ZNRF3: variants seen among roughly 807,000 people sequenced by gnomAD.
ZNRF3 encodes the protein zinc and ring finger 3, also known as E3 ubiquitin-protein ligase ZNRF3.
Under a neutral mutation model 72.5 loss-of-function variants are expected in ZNRF3, and 23 were observed. That is an observed-to-expected ratio of 0.32 (90% CI 0.23 to 0.45). ZNRF3 has a LOEUF of 0.45. Among genes scored for constraint, ZNRF3 ranks in the 20% least tolerant of loss-of-function variants. ZNRF3 has a pLI of 1.00. For synonymous variants in ZNRF3, 610 were observed against 545.3 expected (o/e 1.12, Z -1.65); for missense variants, 1,169 against 1,272.1 (o/e 0.92, Z 1.23).
At chr22:29,052,839 T>A (rs76992971) in intron 8 of ZNRF3, among the ~76,000 whole-genome samples, 1 of 151,960 alleles carries the variant, frequency 6.6e-6, no homozygotes, top group Non-Finnish European at 1.5e-5. Context: ...AATTTTTTTT[T>A]AATTAGCTGG....
chr22:28,946,943 G>C (rs951347733), intron 1 of ZNRF3, among the ~76,000 whole-genome samples: 18 of 152,212 alleles, frequency 1.2e-4, no homozygotes, highest in Admixed American at 6.5e-4. Flanking sequence ...TGGGAAACCT[G>C]TAAGAATGGG....
intron 1 of ZNRF3, among the ~76,000 whole-genome samples, chr22:28,890,167 G>A (rs1184742996): frequency 6.6e-6 from 1 of 152,164 alleles, no homozygotes; most frequent in African/African-American, 2.4e-5. Context: ...CTCTCTCTCT[G>A]GTTCCCATAG....
chr22:28,984,658 G>A (rs1209195336), intron 1 of ZNRF3, among the ~76,000 whole-genome samples: 3 of 152,210 alleles, frequency 2.0e-5, no homozygotes, highest in South Asian at 4.1e-4. Flanking sequence ...GAGCTGTGCT[G>A]GAGTGAGCCG....
rs185224147 is a variant in ZNRF3 at position 29,033,868 on chromosome 22, C to T, written c.427-8627C>T. Among the ~76,000 whole-genome samples, 62 of 152,230 alleles carry T rather than the reference C, an allele frequency of 4.1e-4. 1 individual carries two copies. The highest frequency in any genetic ancestry group is 1.5e-3 in the South Asian group (7 of 4,816). ...AAGACCCCTTGCACCTACATCCACC[C>T]GAGCAAGAAATGACCCAGAAATGTC... On this transcript the variant is annotated intron_variant, in intron 2 of 8. Coordinates refer to ENST00000544604, the MANE Select transcript of ZNRF3 (RefSeq NM_001206998.2).
At chr22:28,949,770 C>A (rs1569257693) in intron 1 of ZNRF3, among the ~76,000 whole-genome samples, 1 of 152,188 alleles carries the variant, frequency 6.6e-6, no homozygotes, top group Non-Finnish European at 1.5e-5. Context: ...AAAATGCCTG[C>A]CCTGCACTCA....
chr22:28,995,796 G>A (rs2036036939), intron 2 of ZNRF3, among the ~76,000 whole-genome samples: 1 of 148,470 alleles, frequency 6.7e-6, no homozygotes, highest in African/African-American at 2.5e-5. Context: ...TTTTTTCCAA[G>A]ACAGGATCTC....
chr22:28,995,836 C>T (rs889579079), intron 2 of ZNRF3, among the ~76,000 whole-genome samples: 7 of 151,608 alleles, frequency 4.6e-5, no homozygotes, highest in South Asian at 2.1e-4. Context: ...AGTGCAGTGA[C>T]ACTATCTTGG....
chr22:29,010,190 T>G (rs145410012), intron 2 of ZNRF3, among the ~76,000 whole-genome samples: 1 of 151,984 alleles, frequency 6.6e-6, no homozygotes, highest in Admixed American at 6.6e-5. Context: ...ATTACAGACA[T>G]GAGCCACCGC....
chr22:28,951,841 G>T (rs1327934861), intron 1 of ZNRF3, among the ~76,000 whole-genome samples: 1 of 152,206 alleles, frequency 6.6e-6, no homozygotes, highest in Admixed American at 6.5e-5. Flanking sequence ...GTTGAGGACT[G>T]TGTTTTCTGG....
intron 1 of ZNRF3, among the ~76,000 whole-genome samples, chr22:28,930,726 T>G (rs553574160): frequency 1.3e-5 from 2 of 152,366 alleles, no homozygotes; most frequent in East Asian, 3.9e-4. Flanking sequence ...AGATGTGCAC[T>G]TCTGAGAATG....
Position 29,048,618 on chromosome 22 carries a change from C to T in ZNRF3, c.1015+127C>T. 1 of 916,830 alleles carries T rather than the reference C, an allele frequency of 1.1e-6. No homozygotes were observed. Among genetic ancestry groups the T allele is most frequent in the Non-Finnish European group, 1.7e-6 (1 of 590,310 alleles). The allele number at this position is 916,830 out of a possible 1,614,324, so 56.8% of individuals were successfully genotyped here. ...CCCTCTGGACTTGGAGGCCTGGCAG[C>T]CCTGGGTTTTGGAGGTTGTCTGCAC... On this transcript the variant is annotated intron_variant, in intron 7 of 8. Coordinates refer to ENST00000544604, the MANE Select transcript of ZNRF3 (RefSeq NM_001206998.2). The surrounding 1 kb of genome is among the most constrained non-coding windows in gnomAD (Gnocchi z 4.9).
At chr22:28,996,126 G>T (rs370331304) in intron 2 of ZNRF3, among the ~76,000 whole-genome samples, 1 of 151,618 alleles carries the variant, frequency 6.6e-6, no homozygotes, top group African/African-American at 2.4e-5. Flanking sequence ...TTTTTTCGAG[G>T]CAGGGTCTTA....
intron 2 of ZNRF3, among the ~76,000 whole-genome samples, chr22:29,027,453 T>G (rs1173488818): frequency 6.6e-6 from 1 of 152,140 alleles, no homozygotes; most frequent in Non-Finnish European, 1.5e-5. Context: ...TTCACCATGT[T>G]GGCCAGGCTG....
chr22:28,977,334 A>T (rs1382606456), intron 1 of ZNRF3, among the ~76,000 whole-genome samples: 1 of 152,136 alleles, frequency 6.6e-6, no homozygotes, highest in Non-Finnish European at 1.5e-5. Flanking sequence ...GAGAATAATT[A>T]TTCAGGTTCT....
chr22:29,050,956 C>G lies in ZNRF3; in HGVS notation c.2767+8C>G. 1 of 1,504,194 alleles carries G rather than the reference C, an allele frequency of 6.6e-7. No individual in the cohort carries two copies. Among genetic ancestry groups the G allele is most frequent in the South Asian group, 1.3e-5 (1 of 75,794 alleles). The allele number at this position is 1,504,194 out of a possible 1,614,324, so 93.2% of individuals were successfully genotyped here. The stretch of plus-strand genomic sequence containing the variant: ...CTGCCACTGAGGCTGCAGGTGAGAG[C>G]AGGAAATGGCAGTAGGTCAGAGCAG... On this transcript the variant is annotated splice_region_variant and intron_variant, in intron 8 of 8. Transcript: ENST00000544604.
At chr22:29,002,603 C>T (rs1174695575) in intron 2 of ZNRF3, among the ~76,000 whole-genome samples, 3 of 152,206 alleles carry the variant, frequency 2.0e-5, no homozygotes, top group African/African-American at 7.2e-5. Flanking sequence ...CAAAGGTTTG[C>T]TGATGCGCAC....
At chr22:28,921,765 T>C (rs1485316978) in intron 1 of ZNRF3, among the ~76,000 whole-genome samples, 1 of 152,206 alleles carries the variant, frequency 6.6e-6, no homozygotes, top group Non-Finnish European at 1.5e-5. Context: ...GCCTAGGTTG[T>C]ATGCTGTGCA....
intron 1 of ZNRF3, among the ~76,000 whole-genome samples, chr22:28,908,214 G>A (rs1013803895): frequency 1.3e-5 from 2 of 152,192 alleles, no homozygotes; most frequent in African/African-American, 4.8e-5. Flanking sequence ...AGCATGCAAT[G>A]GAAATTGGCT....
intron 1 of ZNRF3, among the ~76,000 whole-genome samples, chr22:28,893,534 A>G (rs534154677): frequency 9.7e-5 from 14 of 144,864 alleles, no homozygotes; most frequent in African/African-American, 2.1e-4. Context: ...TTCTGGCTCT[A>G]TCGCCCAGGC....
Sources: gnomAD v4.1 joint callset for allele counts (sites outside exome capture counted in the v4.1 genomes callset) on GRCh38, gnomAD v4.1.1 for gene constraint, Gnocchi (gnomAD v3.1) non-coding constraint, MANE v1.5 for transcripts, NCBI Gene and HGNC (gene_info 2026-07-23, HGNC 2026-07-21) for gene names.